Variants in IBTK observed in about 807,000 individuals in gnomAD.
IBTK encodes BTK-binding protein.
In IBTK, 83 loss-of-function variants were observed where a neutral mutation model predicts 154.9. That is an observed-to-expected ratio of 0.54 (90% CI 0.45 to 0.64). The LOEUF (loss-of-function observed/expected upper bound fraction) is 0.64. Ranked by LOEUF, IBTK falls within the 30% of genes least tolerant of loss-of-function variation. IBTK has a pLI of 0.00. For synonymous variants in IBTK, 515 were observed against 536.1 expected (o/e 0.96, Z 0.54); for missense variants, 1,332 against 1,584.6 (o/e 0.84, Z 2.71).
At chr6:82,228,938 T>G (rs892081528) in intron 4 of IBTK, among the ~76,000 whole-genome samples, 5 of 152,116 alleles carry the variant, frequency 3.3e-5, no homozygotes, top group Non-Finnish European at 7.4e-5. Context: ...CCTGAATTTT[T>G]AAATAAGAAC....
chr6:82,239,421 G>A (rs769111407), intron 2 of IBTK, among the ~76,000 whole-genome samples: 5 of 152,068 alleles, frequency 3.3e-5, no homozygotes, highest in East Asian at 1.9e-4. Context: ...CTCCAGCCTC[G>A]GCGACAGAGC....
rs1390163828 is a variant in IBTK at position 82,171,501 on chromosome 6, G to A, written c.3986C>T (p.Pro1329Leu). The change falls in exon 29 of 29, where the codon CCT (proline) becomes CTT (leucine). Residue 1329 changes from proline (P) to leucine (L), a missense_variant. Transcript: ENST00000306270. ...CCTTTCAACAATGACAAACTCTTCA[G>A]GGTTGCCAAATGCCTCATAGAAAAC... ...LLVFYEAFGN[P>L]EEFVIVERTP... The A allele has an allele frequency of 2.5e-6, 4 of 1,612,816 alleles. No individual in the cohort carries two copies. The highest frequency in any genetic ancestry group is 3.4e-6 in the Non-Finnish European group (4 of 1,179,248).
chr6:82,212,852 C>CA (rs1769704420), intron 12 of IBTK, 59 bp from the exon 13 acceptor site: 4 of 962,954 alleles, frequency 4.2e-6, no homozygotes, highest in South Asian at 2.7e-5. Context: ...AAACATACAA[C>CA]AAAAAATCCA....
intron 23 of IBTK, among the ~76,000 whole-genome samples, chr6:82,192,255 T>C (rs1401687706): frequency 2.0e-5 from 3 of 152,166 alleles, no homozygotes; most frequent in Non-Finnish European, 2.9e-5. Context: ...AAAGTTCTAA[T>C]TAAATTCTTA....
intron 1 of IBTK, among the ~76,000 whole-genome samples, chr6:82,246,508 G>A (rs1479333906): frequency 7.0e-6 from 1 of 142,854 alleles, no homozygotes; most frequent in Non-Finnish European, 1.5e-5. Context: ...GCAGCGGCGC[G>A]ATCTCGGCTC....
intron 11 of IBTK, among the ~76,000 whole-genome samples, chr6:82,215,369 G>A (rs746628294): frequency 2.2e-4 from 33 of 152,204 alleles, no homozygotes; most frequent in Non-Finnish European, 4.6e-4. Context: ...TACAGATGGC[G>A]CCACAACACT....
chr6:82,187,822 ACTCT>A lies in IBTK; in HGVS notation c.3575+3247_3575+3250del, dbSNP rs1768609074. 4.6e-5 allele frequency among the ~76,000 whole-genome samples: 7 copies of A among 152,244 alleles called. No individual in the cohort carries two copies. The South Asian group carries it at 1.4e-3, about 32-fold the overall frequency. On this transcript the variant is annotated intron_variant, in intron 25 of 28. Transcript: ENST00000306270. ...ATGGTCATATTACTACATCTCCTTT[ACTCT>A]GGCAGAAGGAAAATTTGATTCAAAG...
At chr6:82,200,375 T>C in intron 20 of IBTK, 122 bp from the exon 21 acceptor site, 1 of 777,942 alleles carries the variant, frequency 1.3e-6, no homozygotes, top group Non-Finnish European at 2.1e-6. Context: ...TTTCAATGTG[T>C]TAGACCTACA....
At chr6:82,202,022 G>A (rs1032741837) in intron 18 of IBTK, among the ~76,000 whole-genome samples, 7 of 151,860 alleles carry the variant, frequency 4.6e-5, no homozygotes, top group East Asian at 1.9e-4. Flanking sequence ...CACCACACCC[G>A]GCCTCAAGCA....
chr6:82,245,110 G>A (rs1198317536), intron 1 of IBTK, among the ~76,000 whole-genome samples: 1 of 152,202 alleles, frequency 6.6e-6, no homozygotes, highest in Non-Finnish European at 1.5e-5. Context: ...TTTGGTAGAA[G>A]AGAGTAATTT....
intron 26 of IBTK, among the ~76,000 whole-genome samples, chr6:82,175,842 C>A (rs1333825214): frequency 1.3e-5 from 2 of 151,876 alleles, no homozygotes; most frequent in Non-Finnish European, 2.9e-5. Context: ...CCACCCTGAC[C>A]AACATGGAGA....
chr6:82,237,885 C>T lies in IBTK; in HGVS notation c.321+2281G>A, dbSNP rs111603824. 3.5e-3 allele frequency among the ~76,000 whole-genome samples: 525 copies of T among 152,104 alleles called. 6 individuals are homozygous for T. Among genetic ancestry groups the T allele is most frequent in the African/African-American group, 0.012 (504 of 41,506 alleles). On this transcript the variant is annotated intron_variant, in intron 2 of 28. Coordinates refer to ENST00000306270, the MANE Select transcript of IBTK (RefSeq NM_015525.4). ...AATTTGACCAGAAGTTCCTTAAGGACCAGAACTGTTTTTTTCTTTTCCAGG... is the reference window on the plus strand; with the variant it reads ...AATTTGACCAGAAGTTCCTTAAGGATCAGAACTGTTTTTTTCTTTTCCAGG...
At position 82,191,056 on chromosome 6, in the gene IBTK, T is replaced by TA; in HGVS notation, c.3575+16dup. The TA allele has an allele frequency of 6.8e-7, 1 of 1,481,230 alleles. No individual in the cohort carries two copies. The highest frequency in any genetic ancestry group is 1.8e-4 in the Middle Eastern group (1 of 5,552). The allele number at this position is 1,481,230 out of a possible 1,614,324, so 91.8% of individuals were successfully genotyped here. A position where few individuals can be genotyped will look rare whatever the true frequency, so the allele number is the denominator to read the frequency against. ...ATGCACAAATCTATATTAATTTTAATAAAAATAAGAGCATACCATGCATTC... is the reference window on the plus strand; with the variant it reads ...ATGCACAAATCTATATTAATTTTAATAAAAAATAAGAGCATACCATGCATTC... On this transcript the variant is annotated intron_variant, in intron 25 of 28. Coordinates refer to ENST00000306270, the MANE Select transcript of IBTK (RefSeq NM_015525.4).
chr6:82,240,701 C>A lies in IBTK; in HGVS notation c.-215G>T. The A allele has an allele frequency of 2.0e-6, 1 of 493,792 alleles. No homozygotes were observed. Among genetic ancestry groups the A allele is most frequent in the South Asian group, 4.1e-5 (1 of 24,300 alleles). 30.6% of individuals were successfully genotyped at this position (493,792 alleles called of 1,614,324 possible). A position where few individuals can be genotyped will look rare whatever the true frequency, so the allele number is the denominator to read the frequency against. Reference sequence around the variant, plus strand: ...AAATTATAAATAGCTCTATAAAGTTCATATCAAATACAAGTTCTTCATTTA... The same window carrying A: ...AAATTATAAATAGCTCTATAAAGTTAATATCAAATACAAGTTCTTCATTTA... On this transcript the variant is annotated 5_prime_UTR_variant, in exon 2 of 29. It removes an upstream start codon present in the reference 5' UTR. Coordinates refer to ENST00000306270, the MANE Select transcript of IBTK (RefSeq NM_015525.4).
intron 1 of IBTK, among the ~76,000 whole-genome samples, chr6:82,241,095 T>C (rs1304149866): frequency 1.3e-5 from 2 of 152,172 alleles, no homozygotes; most frequent in African/African-American, 4.8e-5. Context: ...TTTTCTTAAA[T>C]CTATCGACCT....
At chr6:82,234,437 C>T (rs916647954) in intron 2 of IBTK, among the ~76,000 whole-genome samples, 182 bp from the exon 3 acceptor site, 10 of 151,632 alleles carry the variant, frequency 6.6e-5, no homozygotes, top group Admixed American at 2.0e-4. Flanking sequence ...CTCCCAGGTT[C>T]AAGCAATTCT....
At chr6:82,237,692 G>GTAGTAGTAGTAGTAC (rs1770782702) in intron 2 of IBTK, among the ~76,000 whole-genome samples, 1 of 149,852 alleles carries the variant, frequency 6.7e-6, no homozygotes. Context: ...AGTAGTAGTA[G>GTAGTAGTAGTAGTAC]TAGCAGTAAT....
At chr6:82,198,073 T>G (rs941239053) in intron 21 of IBTK, among the ~76,000 whole-genome samples, 2 of 152,238 alleles carry the variant, frequency 1.3e-5, no homozygotes, top group Non-Finnish European at 2.9e-5. Flanking sequence ...AAATCACTTA[T>G]GTTTTTTGAG....
rs1011175838 is a variant in IBTK at position 82,191,686 on chromosome 6, C to T, written c.3431+101G>A. On this transcript the variant is annotated intron_variant, in intron 24 of 28. Transcript: ENST00000306270. ...GAAAAGGATGTATAATTAACTATAA[C>T]ATCAAATGCAGAAAAATAATAAGAA... The T allele has an allele frequency of 6.4e-6, 5 of 785,766 alleles. No homozygotes were observed. The East Asian group carries it at 1.3e-4, about 20-fold the overall frequency. 48.7% of individuals were successfully genotyped at this position (785,766 alleles called of 1,614,324 possible).
Sources: allele counts gnomAD v4.1 joint callset (sites outside exome capture counted in the v4.1 genomes callset), GRCh38; gene constraint gnomAD v4.1.1; transcripts MANE v1.5; gene names NCBI Gene and HGNC (gene_info 2026-07-23, HGNC 2026-07-21).